ANO3: variants seen among roughly 807,000 people sequenced by gnomAD.
The protein encoded by ANO3 is anoctamin 3.
A neutral mutation model predicts 144.8 loss-of-function variants in ANO3; 99 were observed. That is an observed-to-expected ratio of 0.68 (90% confidence interval 0.58 to 0.81). The LOEUF (loss-of-function observed/expected upper bound fraction) is 0.81, where lower values mean the gene tolerates loss of function less well. Among genes scored for constraint, ANO3 ranks in the 30% least tolerant of loss-of-function variants. The pLI, the probability that ANO3 is intolerant of heterozygous loss-of-function variation, is 0.00. For synonymous variants in ANO3, 414 were observed against 392.6 expected, an observed-to-expected ratio of 1.05 and a Z score of -0.64; for missense variants, 905 against 1,202.2, an observed-to-expected ratio of 0.75 and a Z score of 3.66.
chr11:26,481,479 A>G (rs1860214953), intron 4 of ANO3, among the ~76,000 whole-genome samples: 1 of 152,226 alleles, frequency 6.6e-6, no homozygotes, highest in Non-Finnish European at 1.5e-5. Flanking sequence ...GTGAAATTAA[A>G]AAGATGATGA....
chr11:26,529,419 A>AT (rs1358042703), intron 7 of ANO3, among the ~76,000 whole-genome samples: 1 of 35,820 alleles, frequency 2.8e-5, no homozygotes. Context: ...ATATAATAAT[A>AT]TATTATATTA....
intron 1 of ANO3, chr11:26,427,051 C>G (rs1857939830): frequency 6.1e-6 from 1 of 163,504 alleles, no homozygotes; most frequent in Admixed American, 6.2e-5. Flanking sequence ...CCTGTGCTGA[C>G]TTTGCTATAG....
intron 14 of ANO3, chr11:26,563,226 C>T: frequency 6.2e-7 from 1 of 1,610,800 alleles, no homozygotes; most frequent in Non-Finnish European, 8.5e-7. Context: ...CAGAATAGCA[C>T]CTAAAATGGC....
intron 3 of ANO3, among the ~76,000 whole-genome samples, chr11:26,461,444 C>G (rs1030501606): frequency 6.6e-6 from 1 of 152,048 alleles, no homozygotes; most frequent in African/African-American, 2.4e-5. Context: ...CCACTCCTTT[C>G]ACACCTTCAT....
intron 1 of ANO3, among the ~76,000 whole-genome samples, chr11:26,272,499 A>T (rs1364128270): frequency 6.6e-6 from 1 of 152,124 alleles, no homozygotes; most frequent in Non-Finnish European, 1.5e-5. Flanking sequence ...ATACCTATAG[A>T]CTCTAATATG....
intron 1 of ANO3, among the ~76,000 whole-genome samples, chr11:26,269,682 A>G (rs1297852536): frequency 9.0e-5 from 13 of 145,082 alleles, no homozygotes; most frequent in Admixed American, 8.6e-4. Flanking sequence ...GCTGCACTGC[A>G]GCACACCTTG....
At chr11:26,596,779 AG>A (rs1002875340) in intron 14 of ANO3, among the ~76,000 whole-genome samples, 38 of 152,338 alleles carry the variant, frequency 2.5e-4, no homozygotes, top group African/African-American at 8.9e-4. Context: ...AAGGAGAGGT[AG>A]GGGCACACAC....
At chr11:26,199,475 T>C (rs544435405) in intron 1 of ANO3, among the ~76,000 whole-genome samples, 3 of 152,316 alleles carry the variant, frequency 2.0e-5, no homozygotes, top group Non-Finnish European at 2.9e-5. Context: ...GGGTCTTTTA[T>C]GTTCCTGTTT....
chr11:26,393,758 C>T (rs1223822927), intron 1 of ANO3, among the ~76,000 whole-genome samples: 1 of 152,092 alleles, frequency 6.6e-6, no homozygotes, highest in Non-Finnish European at 1.5e-5. Context: ...CTTTTGATGT[C>T]ACACAATAAT....
At chr11:26,475,732 A>G (rs1459724351) in intron 4 of ANO3, among the ~76,000 whole-genome samples, 1 of 152,142 alleles carries the variant, frequency 6.6e-6, no homozygotes, top group African/African-American at 2.4e-5. Context: ...AAGCAGAATT[A>G]TCACTAATTA....
Position 26,643,231 on chromosome 11 carries a change from C to T in ANO3, c.2325C>T (p.Ala775=), listed in dbSNP as rs910634413. 6.8e-6 allele frequency: 11 copies of T among 1,613,808 alleles called. No individual in the cohort carries two copies. The highest frequency in any genetic ancestry group is 2.7e-5 in the African/African-American group (2 of 74,898). Reference sequence around the variant, plus strand: ...TCTTTGTTGCGGCTTTTCCTCTAGCCCCTCTTTTGGCTTTGTTAAACAATA... The same window carrying T: ...TCTTTGTTGCGGCTTTTCCTCTAGCTCCTCTTTTGGCTTTGTTAAACAATA... The part of the protein sequence containing the change: ...TTIFVAAFPL[A]PLLALLNNII... Residue 775 remains alanine, a synonymous_variant, in exon 23 of 27, where the codon GCC becomes GCT. Coordinates refer to ENST00000256737, the MANE Select transcript of ANO3 (RefSeq NM_031418.4).
intron 1 of ANO3, among the ~76,000 whole-genome samples, chr11:26,440,397 G>T (rs1278501851): frequency 2.0e-5 from 3 of 151,890 alleles, no homozygotes; most frequent in Non-Finnish European, 4.4e-5. Context: ...AATGACAGGG[G>T]GTGTTTAGGA....
chr11:26,347,962 C>G lies in ANO3; in HGVS notation c.46+15641C>G, dbSNP rs189036635. 3.3e-5 allele frequency among the ~76,000 whole-genome samples: 5 copies of G among 152,180 alleles called. No homozygotes were observed. In the East Asian group the frequency reaches 5.8e-4, roughly 18 times the overall value. On this transcript the variant is annotated intron_variant, in intron 1 of 26. Coordinates refer to ENST00000256737, the MANE Select transcript of ANO3 (RefSeq NM_031418.4). ...TGATCAGTAATCCTCCTTGGCTTGC[C>G]CATTGGGTACTCTTTGCAAAGGTGA...
At chr11:26,625,725 C>G (rs972966805) in intron 18 of ANO3, among the ~76,000 whole-genome samples, 1 of 152,044 alleles carries the variant, frequency 6.6e-6, no homozygotes, top group Non-Finnish European at 1.5e-5. Flanking sequence ...CTTAGAGTTA[C>G]CCTCTCAAGC....
chr11:26,598,326 G>A (rs751781821), intron 14 of ANO3, 39 bp from the exon 15 acceptor site: 35 of 1,142,446 alleles, frequency 3.1e-5, no homozygotes, highest in Middle Eastern at 4.2e-4. Context: ...GCAATATGAT[G>A]TGATTTGGGT....
At chr11:26,361,033 A>G (rs147274801) in intron 1 of ANO3, among the ~76,000 whole-genome samples, 64 of 152,318 alleles carry the variant, frequency 4.2e-4, no homozygotes, top group African/African-American at 1.5e-3. Flanking sequence ...ATTTAACTTT[A>G]TACTCAGCAT....
intron 4 of ANO3, among the ~76,000 whole-genome samples, chr11:26,494,348 G>C (rs886166001): frequency 2.6e-5 from 4 of 152,046 alleles, no homozygotes; most frequent in African/African-American, 9.7e-5. Context: ...ACTCTTGCTA[G>C]CTATTTTACA....
chr11:26,242,639 G>A (rs910830388), intron 1 of ANO3, among the ~76,000 whole-genome samples: 2 of 152,142 alleles, frequency 1.3e-5, no homozygotes, highest in African/African-American at 4.8e-5. Flanking sequence ...TATAATAGCA[G>A]TAAAGATATT....
At chr11:26,604,638 T>C (rs115042097) in intron 17 of ANO3, among the ~76,000 whole-genome samples, 1,533 of 152,216 alleles carry the variant, frequency 0.01, 36 homozygotes, top group African/African-American at 0.035. Context: ...GATCCCTTGT[T>C]ATCTGTATTC....
Sources: allele counts gnomAD v4.1 joint callset (sites outside exome capture counted in the v4.1 genomes callset), GRCh38; gene constraint gnomAD v4.1.1; transcripts MANE v1.5; gene names NCBI Gene and HGNC (gene_info 2026-07-23, HGNC 2026-07-21).